The following GTF2A1 variants were observed in gnomAD, a reference collection of about 807,000 sequenced individuals.
The protein encoded by GTF2A1 is transcription initiation factor IIA subunit 1.
GTF2A1 carries 12 observed loss-of-function variants against 54.1 expected under a neutral mutation model. That is an observed-to-expected ratio of 0.22 (90% CI 0.14 to 0.36). The LOEUF (loss-of-function observed/expected upper bound fraction) is 0.36, where lower values mean the gene tolerates loss of function less well. Among genes scored for constraint, GTF2A1 ranks in the 10% least tolerant of loss-of-function variants. The pLI, the probability that GTF2A1 is intolerant of heterozygous loss-of-function variation, is 1.00. For synonymous variants in GTF2A1, 145 were observed against 152.0 expected (o/e 0.95, Z 0.34); for missense variants, 335 against 442.2 (o/e 0.76, Z 2.17).
chr14:81,215,976 T>G (rs1399604422), intron 2 of GTF2A1, among the ~76,000 whole-genome samples: 2 of 152,138 alleles, frequency 1.3e-5, no homozygotes, highest in African/African-American at 2.4e-5. Context: ...GTCCAGATTG[T>G]GCCACTGCAC....
intron 6 of GTF2A1, among the ~76,000 whole-genome samples, chr14:81,194,157 T>A (rs1353041806): frequency 6.6e-6 from 1 of 152,220 alleles, no homozygotes; most frequent in Non-Finnish European, 1.5e-5. Flanking sequence ...CCACCTGAAC[T>A]CTGCTTCCTG....
At chr14:81,201,039 C>G (rs1893098216) in intron 4 of GTF2A1, among the ~76,000 whole-genome samples, 1 of 152,004 alleles carries the variant, frequency 6.6e-6, no homozygotes, top group Non-Finnish European at 1.5e-5. Flanking sequence ...TGAGTGAGGA[C>G]TTGTAAAGTT....
At chr14:81,198,987 G>A (rs1017653458) in intron 4 of GTF2A1, among the ~76,000 whole-genome samples, 6 of 151,962 alleles carry the variant, frequency 3.9e-5, no homozygotes, top group Non-Finnish European at 7.4e-5. Flanking sequence ...TAGCCCACCC[G>A]GGTGATTCGT....
rs1893618892 is a variant in GTF2A1 at position 81,220,710 on chromosome 14, CG to C, written c.-193del. The C allele has an allele frequency of 2.6e-6, 1 of 389,178 alleles. No individual in the cohort carries two copies. The highest frequency in any genetic ancestry group is 4.5e-6 in the Non-Finnish European group (1 of 220,024). 24.1% of individuals were successfully genotyped at this position (389,178 alleles called of 1,614,324 possible). ...AGGAGGAGGAGGGGGGCACTCCTCC[CG>C]CAGCTGAAAACCTCGAGAATCGCCT... On this transcript the variant is annotated 5_prime_UTR_variant, in exon 1 of 9. Transcript: ENST00000553612.
upstream of GTF2A1, chr14:81,221,277 T>G (rs1200884341): frequency 1.3e-5 from 2 of 152,238 alleles, no homozygotes; most frequent in African/African-American, 4.8e-5. Flanking sequence ...AGTCCAAAGC[T>G]AGGTGGGACC....
intron 7 of GTF2A1, among the ~76,000 whole-genome samples, chr14:81,188,779 A>G (rs1427088426): frequency 3.8e-3 from 3 of 794 alleles, no homozygotes; most frequent in Non-Finnish European, 0.091. Flanking sequence ...TCTGTCTCGA[A>G]AAAAAAAAAA....
At chr14:81,218,910 G>A (rs1893544686) in intron 1 of GTF2A1, among the ~76,000 whole-genome samples, 1 of 151,112 alleles carries the variant, frequency 6.6e-6, no homozygotes, top group Non-Finnish European at 1.5e-5. Context: ...GAAAAGCCTC[G>A]TGTCTTTTAT....
rs776551423 is a variant in GTF2A1, at chr14:81,192,809, G to C, written c.643C>G (p.Pro215Ala). Residue 215 changes from proline to alanine, a missense_variant, in exon 7 of 9, where the codon CCA becomes GCA. Around this residue, in one of 2 missense-constraint regions of GTF2A1, gnomAD observed 306 missense variants for 360.4 expected, o/e 0.85. Coordinates refer to ENST00000553612, the MANE Select transcript of GTF2A1 (RefSeq NM_015859.4). Reference sequence around the variant, plus strand: ...GGCTGGATGATGACACCTGTCTGTGGTGAAATCCCTCCAGGAAGAGGAGCC... The same window carrying C: ...GGCTGGATGATGACACCTGTCTGTGCTGAAATCCCTCCAGGAAGAGGAGCC... ...VLAPLPGGIS[P>A]QTGVIIQPQQ... 6.2e-7 allele frequency: 1 copy of C among 1,612,584 alleles called. No homozygotes were observed. Among genetic ancestry groups the C allele is most frequent in the South Asian group, 1.1e-5 (1 of 91,040 alleles).
chr14:81,195,154 A>AG (rs57451382), intron 6 of GTF2A1, among the ~76,000 whole-genome samples: 6 of 151,188 alleles, frequency 4.0e-5, no homozygotes. Context: ...AAAAAAAAAA[A>AG]GATGACTATA....
Position 81,180,251 on chromosome 14 carries a change from G to A in GTF2A1, c.1103C>T (p.Ser368Phe), listed in dbSNP as rs1256481522. ...CCATTCTGCATCTCCAATGGCTTTG[G>A]AAAATATATAATCTCTTCCATTAAG... ...MNLNGRDYIF[S>F]KAIGDAEW The change falls in exon 9 of 9, where the codon TCC (serine) becomes TTC (phenylalanine). Residue 368 changes from serine to phenylalanine, a missense_variant. Coordinates refer to ENST00000553612, the MANE Select transcript of GTF2A1 (RefSeq NM_015859.4). The A allele has an allele frequency of 1.4e-6, 2 of 1,430,410 alleles. No individual in the cohort carries two copies. The allele number at this position is 1,430,410 out of a possible 1,614,324, so 88.6% of individuals were successfully genotyped here. A position where few individuals can be genotyped will look rare whatever the true frequency, so the allele number is the denominator to read the frequency against.
In GTF2A1 at chr14:81,196,155, T is replaced by G. The variant is rs535983219; in HGVS notation, c.565A>C (p.Ile189Leu). The G allele has an allele frequency of 1.2e-6, 2 of 1,613,866 alleles. No homozygotes were observed. The highest frequency in any genetic ancestry group is 2.2e-5 in the East Asian group (1 of 44,884). Residue 189 changes from isoleucine (I) to leucine (L), a missense_variant, in exon 6 of 9, where the codon ATA becomes CTA. Physicochemically the swap from Ile to Leu is conservative, Grantham distance 5. Around this residue, in one of 2 missense-constraint regions of GTF2A1, gnomAD observed 306 missense variants for 360.4 expected, o/e 0.85. Transcript: ENST00000553612. ...ACTCCACCAGGCTGCATTTGTGGTA[T>G]AACCTGTTGTTGTAGAACCACTGAC... ...QQSVVLQQQV[I>L]PQMQPGGVQA...
rs946092614 is a variant in GTF2A1, at chr14:81,176,452, C to T, written c.*3771G>A. 1 of 152,080 alleles carries T rather than the reference C, an allele frequency of 6.6e-6. No homozygotes were observed. Among genetic ancestry groups the T allele is most frequent in the African/African-American group, 2.4e-5 (1 of 41,440 alleles). The allele number at this position is 152,080 out of a possible 1,614,324, so 9.4% of individuals were successfully genotyped here. A position where few individuals can be genotyped will look rare whatever the true frequency, so the allele number is the denominator to read the frequency against. ...ATGTAGACTGGACTGATTAAGGAAC[C>T]TTGACTGAAAGAGTAGTTACTAACT... is the stretch of plus-strand genomic sequence containing the variant. On this transcript the variant is annotated 3_prime_UTR_variant, in exon 9 of 9. Transcript: ENST00000553612.
intron 1 of GTF2A1, among the ~76,000 whole-genome samples, chr14:81,218,092 T>A (rs947695640): frequency 1.4e-5 from 1 of 72,368 alleles, no homozygotes; most frequent in East Asian, 2.4e-4. Flanking sequence ...CTCTATAAAG[T>A]GCTTTTTTTT....
At chr14:81,197,238 C>T (rs1489201674) in intron 5 of GTF2A1, 171 bp downstream of exon 5, 3 of 528,836 alleles carry the variant, frequency 5.7e-6, no homozygotes, top group East Asian at 3.1e-5. Context: ...TCCTCAACAA[C>T]GATTACAGTT....
At position 81,178,208 on chromosome 14, in the gene GTF2A1, AG is replaced by A. The variant is rs1188534850; in HGVS notation, c.*2014del. The A allele has an allele frequency of 6.6e-6, 1 of 152,112 alleles. No individual in the cohort carries two copies. Among genetic ancestry groups the A allele is most frequent in the Non-Finnish European group, 1.5e-5 (1 of 67,998 alleles). 9.4% of individuals were successfully genotyped at this position (152,112 alleles called of 1,614,324 possible). ...AGCATAAAAACTACTAGATAGCCAAAGGGTTTCACTTAAGCAACACTGCAGC... is the reference window on the plus strand; with the variant it reads ...AGCATAAAAACTACTAGATAGCCAAAGGTTTCACTTAAGCAACACTGCAGC... On this transcript the variant is annotated 3_prime_UTR_variant, in exon 9 of 9. Coordinates refer to ENST00000553612, the MANE Select transcript of GTF2A1 (RefSeq NM_015859.4).
intron 6 of GTF2A1, among the ~76,000 whole-genome samples, chr14:81,193,818 C>T (rs1224379563): frequency 6.6e-6 from 1 of 152,156 alleles, no homozygotes; most frequent in Admixed American, 6.5e-5. Flanking sequence ...ATGCTTGTTA[C>T]TTGCCATTAG....
chr14:81,211,880 TA>T (rs1893375701), intron 2 of GTF2A1, among the ~76,000 whole-genome samples: 1 of 42,110 alleles, frequency 2.4e-5, no homozygotes, highest in East Asian at 5.5e-4. Flanking sequence ...GTACTTTATA[TA>T]TATATATATA....
chr14:81,210,369 A>T (rs1347276528), intron 2 of GTF2A1, among the ~76,000 whole-genome samples: 3 of 152,068 alleles, frequency 2.0e-5, no homozygotes, highest in African/African-American at 7.2e-5. Context: ...TTAGACATCA[A>T]CTGTTTAAAC....
rs58629753 is a variant in GTF2A1 at position 81,207,139 on chromosome 14, G to GTACCTACCTACC, written c.133-3047_133-3036dup. On this transcript the variant is annotated intron_variant, in intron 2 of 8. Transcript: ENST00000553612. ...TATATCTATCTATCTACCTACCTAC[G>GTACCTACCTACC]TACCTACCTACCTACCTACCTACCT... 4.9e-3 allele frequency among the ~76,000 whole-genome samples: 720 copies of GTACCTACCTACC among 147,892 alleles called. 5 individuals carry two copies. The highest frequency in any genetic ancestry group is 0.014 in the Middle Eastern group (4 of 290).
Sources: gnomAD v4.1 joint callset for allele counts (sites outside exome capture counted in the v4.1 genomes callset) on GRCh38, gnomAD v4.1.1 for gene constraint, gnomAD v4.1.1 regional missense constraint, MANE v1.5 for transcripts, NCBI Gene and HGNC (gene_info 2026-07-23, HGNC 2026-07-21) for gene names.